Variants in SLC38A9 observed in about 807,000 individuals in gnomAD.
The protein encoded by SLC38A9 is neutral amino acid transporter 9.
Under a neutral mutation model 62.3 loss-of-function variants are expected in SLC38A9, and 48 were observed. The ratio of observed to expected loss-of-function variants is 0.77; its 90% confidence interval spans 0.61 to 0.98. The LOEUF is 0.98. Among genes scored for constraint, SLC38A9 ranks in the 50% least tolerant of loss-of-function variants. The probability of loss-of-function intolerance (pLI) is 0.00; values close to 1 mark genes in which losing one functional copy is unlikely to be tolerated. For synonymous variants in SLC38A9, 204 were observed against 227.7 expected, an observed-to-expected ratio of 0.90 and a Z score of 0.94; for missense variants, 541 against 679.8, an observed-to-expected ratio of 0.80 and a Z score of 2.27.
Position 55,627,851 on chromosome 5 carries a change from C to T in SLC38A9, c.1520+40G>A, listed in dbSNP as rs769956397. The T allele has an allele frequency of 4.1e-6, 5 of 1,232,472 alleles. No homozygotes were observed. In the African/African-American group the frequency reaches 7.5e-5, roughly 19 times the overall value. The allele number at this position is 1,232,472 out of a possible 1,614,324, so 76.3% of individuals were successfully genotyped here. On this transcript the variant is annotated intron_variant, in intron 15 of 15. Coordinates refer to ENST00000396865, the MANE Select transcript of SLC38A9 (RefSeq NM_173514.4). ...AACAGGAAAAGCCTGAAAATAAAGA[C>T]CAATATATGTAAGGGCACCATTCCC...
chr5:55,656,136 G>A (rs927377356), intron 9 of SLC38A9, among the ~76,000 whole-genome samples: 1 of 151,576 alleles, frequency 6.6e-6, no homozygotes, highest in Admixed American at 6.6e-5. Context: ...GGATACTGTA[G>A]ATAAAATTGT....
chr5:55,662,403 G>A lies in SLC38A9; in HGVS notation c.697+2290C>T, dbSNP rs1270640535. On this transcript the variant is annotated intron_variant, in intron 8 of 15. Transcript: ENST00000396865. ...TTAAAAACAAGCGGCCAGGTGCCAT[G>A]GCTCACACCTGTAATCCCAGCACTT... Among the ~76,000 whole-genome samples, 4 of 152,180 alleles carry A rather than the reference G, an allele frequency of 2.6e-5. No homozygotes were observed. In the East Asian group the frequency reaches 5.8e-4, roughly 22 times the overall value.
At chr5:55,679,026 A>G (rs1752630637) in intron 3 of SLC38A9, among the ~76,000 whole-genome samples, 2 of 152,120 alleles carry the variant, frequency 1.3e-5, no homozygotes, top group South Asian at 2.1e-4. Context: ...GACTATTACA[A>G]TGTTAAAGTG....
At chr5:55,676,748 A>G (rs1164902056) in intron 3 of SLC38A9, among the ~76,000 whole-genome samples, 1 of 152,236 alleles carries the variant, frequency 6.6e-6, no homozygotes, top group Non-Finnish European at 1.5e-5. Context: ...CTACGTAGGT[A>G]CACAGCAGAT....
chr5:55,644,090 A>G (rs1354225924), intron 12 of SLC38A9, among the ~76,000 whole-genome samples: 1 of 151,902 alleles, frequency 6.6e-6, no homozygotes, highest in Non-Finnish European at 1.5e-5. Flanking sequence ...CCTCCTGAGT[A>G]GCTGGGATGA....
At chr5:55,710,067 C>CAAAAAAAAAAAAA (rs1174162436) in intron 2 of SLC38A9, among the ~76,000 whole-genome samples, 2 of 20,724 alleles carry the variant, frequency 9.7e-5, no homozygotes, top group African/African-American at 1.3e-4. Context: ...GACTCCATCT[C>CAAAAAAAAAAAAA]AAAAAAAAAA....
intron 9 of SLC38A9, among the ~76,000 whole-genome samples, chr5:55,655,899 A>G (rs937499430): frequency 1.3e-5 from 2 of 152,170 alleles, no homozygotes; most frequent in African/African-American, 4.8e-5. Flanking sequence ...TAACGGCCAT[A>G]CTGGATTAAA....
intron 8 of SLC38A9, among the ~76,000 whole-genome samples, chr5:55,661,703 T>C (rs1307597559): frequency 6.6e-6 from 1 of 151,792 alleles, no homozygotes; most frequent in Non-Finnish European, 1.5e-5. Context: ...ACACTAATTT[T>C]AAAATAAAAA....
chr5:55,635,255 A>T (rs2161505), intron 13 of SLC38A9: 2 of 431,198 alleles, frequency 4.6e-6, no homozygotes, highest in Non-Finnish European at 4.3e-6. Context: ...ATATGTACAT[A>T]ATAGTAGACA....
chr5:55,640,508 G>A (rs751674829), intron 12 of SLC38A9, among the ~76,000 whole-genome samples: 1 of 152,114 alleles, frequency 6.6e-6, no homozygotes, highest in Non-Finnish European at 1.5e-5. Flanking sequence ...CTCAGTCTTT[G>A]GGAGACCATG....
intron 14 of SLC38A9, 57 bp downstream of exon 14, chr5:55,633,697 G>T: frequency 6.2e-7 from 1 of 1,611,622 alleles, no homozygotes. Context: ...AAACTGACCT[G>T]CTTGCACAGT....
intron 2 of SLC38A9, among the ~76,000 whole-genome samples, chr5:55,701,518 T>C (rs1756641859): frequency 6.6e-6 from 1 of 152,166 alleles, no homozygotes; most frequent in African/African-American, 2.4e-5. Context: ...ATCTAATCAC[T>C]ACCATTTCTT....
chr5:55,677,076 A>C (rs369243570), intron 3 of SLC38A9, among the ~76,000 whole-genome samples: 1 of 152,292 alleles, frequency 6.6e-6, no homozygotes, highest in East Asian at 1.9e-4. Flanking sequence ...TCAAAGTAAT[A>C]ATTATAATTC....
intron 3 of SLC38A9, chr5:55,692,854 A>C (rs1259330215): frequency 5.1e-6 from 5 of 981,228 alleles, no homozygotes; most frequent in Non-Finnish European, 6.1e-6. Context: ...ATATTTACTG[A>C]CATTGGATTA....
intron 8 of SLC38A9, among the ~76,000 whole-genome samples, chr5:55,660,147 A>T (rs1365342800): frequency 2.0e-5 from 3 of 147,634 alleles, no homozygotes; most frequent in Non-Finnish European, 4.5e-5. Flanking sequence ...ACGGTGGGTC[A>T]CGCCTGTAAT....
chr5:55,683,495 A>C (rs1434662740), intron 3 of SLC38A9, among the ~76,000 whole-genome samples: 1 of 152,264 alleles, frequency 6.6e-6, no homozygotes, highest in Non-Finnish European at 1.5e-5. Context: ...CATTGTCTAC[A>C]TTTAAGATAA....
At chr5:55,667,355 C>A (rs1416741100) in intron 7 of SLC38A9, among the ~76,000 whole-genome samples, 1 of 152,090 alleles carries the variant, frequency 6.6e-6, no homozygotes, top group Admixed American at 6.5e-5. Flanking sequence ...CGGTACTTGT[C>A]TGGGAATAAA....
chr5:55,677,368 C>T (rs972061918), intron 3 of SLC38A9, among the ~76,000 whole-genome samples: 4 of 152,080 alleles, frequency 2.6e-5, no homozygotes, highest in Non-Finnish European at 5.9e-5. Flanking sequence ...TGCTTCTTTA[C>T]CCTTTGTAAA....
At chr5:55,709,522 CAGTT>C (rs1345187017) in intron 2 of SLC38A9, among the ~76,000 whole-genome samples, 1 of 151,154 alleles carries the variant, frequency 6.6e-6, no homozygotes, top group African/African-American at 2.4e-5. Flanking sequence ...TTCAAGGTAA[CAGTT>C]AGCTATGACA....
Sources: allele counts gnomAD v4.1 joint callset (sites outside exome capture counted in the v4.1 genomes callset), GRCh38; gene constraint gnomAD v4.1.1; transcripts MANE v1.5; gene names NCBI Gene and HGNC (gene_info 2026-07-23, HGNC 2026-07-21).